ZNF695: variants seen among roughly 807,000 people sequenced by gnomAD.
ZNF695 encodes the protein zinc finger protein 695, also known as zinc finger protein SBZF3.
A neutral mutation model predicts 11.2 loss-of-function variants in ZNF695; 11 were observed. The observed-to-expected ratio is 0.98, with a 90% CI of 0.62 to 1.62. The LOEUF (loss-of-function observed/expected upper bound fraction) is 1.62, where lower values mean the gene tolerates loss of function less well. Among genes scored for constraint, ZNF695 ranks in the 40% most tolerant of loss-of-function variants. The pLI is 0.00. For missense variants in ZNF695, 559 were observed against 590.5 expected (o/e 0.95, Z 0.55); for synonymous variants, 190 against 201.4 (o/e 0.94, Z 0.48).
intron 4 of ZNF695, among the ~76,000 whole-genome samples, chr1:246,970,458 C>T (rs11803666): frequency 0.012 from 1,803 of 152,200 alleles, 31 homozygotes; most frequent in African/African-American, 0.04. Flanking sequence ...ATGGCTACGG[C>T]AGTTTGCAAT....
At chr1:246,979,828 G>A (rs10802455) in intron 4 of ZNF695, 80,789 of 152,344 alleles carry the variant, frequency 0.53, 25,455 homozygotes, top group East Asian at 0.97. Context: ...TAAATAACTC[G>A]TTAAGTTTTA....
intron 1 of ZNF695, among the ~76,000 whole-genome samples, chr1:247,000,606 A>C (rs1449965490): frequency 6.6e-6 from 1 of 152,250 alleles, no homozygotes; most frequent in Non-Finnish European, 1.5e-5. Context: ...AAACCAGTGT[A>C]GGTAGTCTAC....
chr1:246,948,549 A>G (rs1340728104), intron 5 of ZNF695, among the ~76,000 whole-genome samples: 1 of 152,226 alleles, frequency 6.6e-6, no homozygotes, highest in African/African-American at 2.4e-5. Context: ...TGAAGGAAAC[A>G]GTACCTTGAT....
intron 4 of ZNF695, chr1:246,967,873 G>A (rs569681486): frequency 2.6e-4 from 52 of 202,704 alleles, no homozygotes; most frequent in African/African-American, 1.1e-3. Flanking sequence ...CTCATCATGA[G>A]AACAGCAAAG....
intron 4 of ZNF695, among the ~76,000 whole-genome samples, chr1:246,972,564 C>T (rs1668453578): frequency 6.6e-6 from 1 of 152,196 alleles, no homozygotes; most frequent in Non-Finnish European, 1.5e-5. Context: ...TTCTGTCGCC[C>T]AGGCTGGAGT....
chr1:246,987,568 C>A lies in ZNF695; in HGVS notation c.947G>T (p.Arg316Ile), dbSNP rs909499730. 6.3e-7 allele frequency: 1 copy of A among 1,597,964 alleles called. No homozygotes were observed. Among genetic ancestry groups the A allele is most frequent in the South Asian group, 1.1e-5 (1 of 88,142 alleles). Residue 316 changes from arginine to isoleucine, a missense_variant, in exon 4 of 4, where the codon AGA becomes ATA. Coordinates refer to ENST00000339986, the MANE Select transcript of ZNF695 (RefSeq NM_020394.5). ...GTAGGGTTTCTCTCTACTATGAATT[C>A]TCTTGTGTTGAGTAAGGTATGGGAA... ...KLFPYLTQHK[R>I]IHSREKPYKC...
chr1:246,980,128 A>C (rs1226941485), intron 4 of ZNF695: 1 of 145,406 alleles, frequency 6.9e-6, no homozygotes, highest in Non-Finnish European at 1.5e-5. Context: ...GCAGTGTGCC[A>C]AGATCGCGCC....
intron 5 of ZNF695, among the ~76,000 whole-genome samples, chr1:246,950,373 GGGGT>G (rs1340743772): frequency 6.6e-6 from 1 of 152,162 alleles, no homozygotes; most frequent in African/African-American, 2.4e-5. Flanking sequence ...ACCCAGGCCA[GGGGT>G]GGTGGCTCAC....
At chr1:246,964,131 C>G (rs1165196961) in intron 5 of ZNF695, among the ~76,000 whole-genome samples, 1 of 152,130 alleles carries the variant, frequency 6.6e-6, no homozygotes, top group Non-Finnish European at 1.5e-5. Context: ...CAGGGTGCAT[C>G]GCCCTTCCAG....
intron 5 of ZNF695, among the ~76,000 whole-genome samples, chr1:246,946,541 T>C (rs1667739839): frequency 6.6e-6 from 1 of 152,264 alleles, no homozygotes; most frequent in African/African-American, 2.4e-5. Flanking sequence ...CGAGATGGCA[T>C]CTGGCTGGCA....
chr1:246,992,684 C>G (rs1245164178), intron 3 of ZNF695, among the ~76,000 whole-genome samples: 12 of 152,134 alleles, frequency 7.9e-5, no homozygotes, highest in Admixed American at 7.2e-4. Context: ...TATGCACCCA[C>G]AAATTTTTTT....
chr1:246,951,443 G>C (rs533356277), intron 5 of ZNF695, among the ~76,000 whole-genome samples: 1 of 152,238 alleles, frequency 6.6e-6, no homozygotes, highest in Non-Finnish European at 1.5e-5. Flanking sequence ...GCTACCAGAA[G>C]CTGGGCGAGG....
intron 1 of ZNF695, among the ~76,000 whole-genome samples, chr1:247,001,411 A>G (rs538290213): frequency 6.6e-5 from 10 of 151,930 alleles, no homozygotes; most frequent in South Asian, 2.1e-4. Context: ...TAAAAAAAAA[A>G]AAAGAAAGAA....
intron 1 of ZNF695, 55 bp downstream of exon 1, chr1:247,007,841 GCCAATTCCAA>G (rs1239311090): frequency 6.7e-7 from 1 of 1,491,964 alleles, no homozygotes; most frequent in Non-Finnish European, 9.0e-7. Context: ...GCTGGTTCCA[GCCAATTCCAA>G]CCGATTCCAA....
At chr1:246,999,574 C>T in intron 2 of ZNF695, 134 bp from the exon 3 acceptor site, 3 of 699,554 alleles carry the variant, frequency 4.3e-6, no homozygotes, top group Non-Finnish European at 7.0e-6. Flanking sequence ...TCTGACAGAA[C>T]CTTTAATATA....
At chr1:246,946,411 T>A (rs913607312) in intron 5 of ZNF695, among the ~76,000 whole-genome samples, 2 of 152,274 alleles carry the variant, frequency 1.3e-5, no homozygotes, top group African/African-American at 4.8e-5. Context: ...GTCTGATTTC[T>A]TACTCATTTT....
rs1043390522 is a variant in ZNF695, at chr1:246,985,694, G to C, written c.*1273C>G. 1 of 985,324 alleles carries C rather than the reference G, an allele frequency of 1.0e-6. No homozygotes were observed. Among genetic ancestry groups the C allele is most frequent in the Non-Finnish European group, 1.2e-6 (1 of 829,864 alleles). 61.0% of individuals were successfully genotyped at this position (985,324 alleles called of 1,614,324 possible). On this transcript the variant is annotated 3_prime_UTR_variant, in exon 4 of 4. Coordinates refer to ENST00000339986, the MANE Select transcript of ZNF695 (RefSeq NM_020394.5). ...AATTTTATTACCTTAATGTGCAATA[G>C]GAAAAACAACTGACTTGTAAAACTC...
In ZNF695 at chr1:246,986,368, C is replaced by G. The variant is rs1668847012; in HGVS notation, c.*599G>C. On this transcript the variant is annotated 3_prime_UTR_variant, in exon 4 of 4. Transcript: ENST00000339986. ...TAGGAAAGAGCCACCGTGCCTGGCA[C>G]CAAAAGGTATACTTGAAATGTAATT... 8 of 985,324 alleles carry G rather than the reference C, an allele frequency of 8.1e-6. No homozygotes were observed. Among genetic ancestry groups the G allele is most frequent in the Admixed American group, 6.2e-5 (1 of 16,248 alleles). 61.0% of individuals were successfully genotyped at this position (985,324 alleles called of 1,614,324 possible). A position where few individuals can be genotyped will look rare whatever the true frequency, so the allele number is the denominator to read the frequency against.
chr1:246,948,796 A>G (rs1667801029), intron 5 of ZNF695, among the ~76,000 whole-genome samples: 1 of 152,166 alleles, frequency 6.6e-6, no homozygotes, highest in Admixed American at 6.6e-5. Flanking sequence ...GTAAGAGGCT[A>G]AGGGCTTTAT....
Sources: allele counts gnomAD v4.1 joint callset (sites outside exome capture counted in the v4.1 genomes callset), GRCh38; gene constraint gnomAD v4.1.1; transcripts MANE v1.5; gene names NCBI Gene and HGNC (gene_info 2026-07-23, HGNC 2026-07-21).